Variants in SNX9 observed in about 807,000 individuals in gnomAD.
SNX9 encodes the protein sorting nexin 9, also known as sorting nexin-9.
In SNX9, 44 loss-of-function variants were observed where a neutral mutation model predicts 89.4. The ratio of observed to expected loss-of-function variants is 0.49; its 90% CI spans 0.39 to 0.63. SNX9 has a LOEUF of 0.63. Ranked by LOEUF, SNX9 falls within the 30% of genes least tolerant of loss-of-function variation. SNX9 has a pLI of 0.00. For synonymous variants in SNX9, 236 were observed against 247.8 expected (o/e 0.95, Z 0.45); for missense variants, 578 against 736.1 (o/e 0.79, Z 2.49).
intron 9 of SNX9, among the ~76,000 whole-genome samples, chr6:157,914,143 C>T (rs1037415974): frequency 1.3e-5 from 2 of 152,182 alleles, no homozygotes; most frequent in Non-Finnish European, 2.9e-5. Context: ...TTCCACATCC[C>T]TACCTGCACT....
chr6:157,857,105 T>C (rs1411095835), intron 1 of SNX9, among the ~76,000 whole-genome samples: 2 of 152,218 alleles, frequency 1.3e-5, no homozygotes, highest in African/African-American at 4.8e-5. Context: ...TCTATAATGA[T>C]GACCAATTAG....
At chr6:157,906,016 G>A (rs1783207787) in intron 6 of SNX9, 112 bp from the exon 7 acceptor site, 1 of 788,762 alleles carries the variant, frequency 1.3e-6, no homozygotes, top group Non-Finnish European at 2.0e-6. Context: ...TCCAGTTCTA[G>A]TGCACCCGAA....
At chr6:157,889,459 A>G (rs1161695371) in intron 4 of SNX9, among the ~76,000 whole-genome samples, 3 of 151,648 alleles carry the variant, frequency 2.0e-5, no homozygotes, top group Non-Finnish European at 4.4e-5. Flanking sequence ...AAAGACACCA[A>G]AGGATCCTTC....
At chr6:157,926,030 A>G (rs1015308929) in intron 10 of SNX9, among the ~76,000 whole-genome samples, 51 of 152,338 alleles carry the variant, frequency 3.3e-4, no homozygotes, top group African/African-American at 1.2e-3. Flanking sequence ...TCAGGATGCT[A>G]ATCTCATTCA....
At chr6:157,849,394 GT>G (rs1562593601) in intron 1 of SNX9, among the ~76,000 whole-genome samples, 1 of 152,248 alleles carries the variant, frequency 6.6e-6, no homozygotes, top group Non-Finnish European at 1.5e-5. Flanking sequence ...AGCACCTACT[GT>G]GTTCCAGGCA....
intron 16 of SNX9, 35 bp downstream of exon 16, chr6:157,938,782 A>T (rs752966240): frequency 2.2e-6 from 2 of 912,732 alleles, no homozygotes; most frequent in South Asian, 1.9e-5. Flanking sequence ...GTGCTGGTGG[A>T]AGTTTTTTTT....
intron 9 of SNX9, among the ~76,000 whole-genome samples, chr6:157,919,629 A>G (rs1007751274): frequency 6.6e-6 from 1 of 151,864 alleles, no homozygotes; most frequent in African/African-American, 2.4e-5. Context: ...TTAATTTTTT[A>G]GGCTTCCTTT....
At chr6:157,938,330 G>A (rs527675791) in intron 15 of SNX9, among the ~76,000 whole-genome samples, 3 of 152,324 alleles carry the variant, frequency 2.0e-5, no homozygotes, top group South Asian at 2.1e-4. Context: ...TCCATTACGT[G>A]CTACTCCTCA....
At chr6:157,886,676 A>C (rs1354816530) in intron 4 of SNX9, among the ~76,000 whole-genome samples, 1 of 152,192 alleles carries the variant, frequency 6.6e-6, no homozygotes, top group Non-Finnish European at 1.5e-5. Context: ...GAGCTAGTTA[A>C]TTATGTCGAA....
intron 4 of SNX9, among the ~76,000 whole-genome samples, chr6:157,881,792 TGAG>T (rs1176576540): frequency 1.3e-5 from 2 of 151,940 alleles, no homozygotes; most frequent in Non-Finnish European, 2.9e-5. Flanking sequence ...CTGAGAGAGG[TGAG>T]GAAGCTGCAG....
At chr6:157,864,013 T>C (rs1782200194) in intron 1 of SNX9, among the ~76,000 whole-genome samples, 1 of 152,216 alleles carries the variant, frequency 6.6e-6, no homozygotes, top group Non-Finnish European at 1.5e-5. Flanking sequence ...CATTTTTCTG[T>C]GAATGTCCTT....
At chr6:157,864,281 G>C (rs751381803) in intron 1 of SNX9, among the ~76,000 whole-genome samples, 1 of 152,094 alleles carries the variant, frequency 6.6e-6, no homozygotes, top group African/African-American at 2.4e-5. Context: ...CCCCTCTTGA[G>C]GACAAAGCCT....
intron 1 of SNX9, among the ~76,000 whole-genome samples, chr6:157,864,163 G>A (rs902063435): frequency 3.3e-5 from 5 of 152,254 alleles, no homozygotes; most frequent in Admixed American, 6.5e-5. Context: ...CCAAGATGGC[G>A]CCTTGAGTGC....
chr6:157,836,288 A>G (rs1781581570), intron 1 of SNX9, among the ~76,000 whole-genome samples: 1 of 152,130 alleles, frequency 6.6e-6, no homozygotes, highest in Non-Finnish European at 1.5e-5. Context: ...TCATTATGAA[A>G]GTGATAGATA....
chr6:157,855,321 T>C (rs1005099965), intron 1 of SNX9, among the ~76,000 whole-genome samples: 2 of 152,236 alleles, frequency 1.3e-5, no homozygotes, highest in South Asian at 4.1e-4. Flanking sequence ...TTTGGTCTTT[T>C]GCTATTCTGG....
intron 12 of SNX9, among the ~76,000 whole-genome samples, chr6:157,931,872 G>T (rs1046376551): frequency 3.3e-5 from 5 of 152,230 alleles, no homozygotes; most frequent in African/African-American, 4.8e-5. Context: ...CTATCATGAT[G>T]ATCAAGCGCG....
intron 9 of SNX9, among the ~76,000 whole-genome samples, chr6:157,915,640 A>AAATATATATATATATATAT (rs1472422303): frequency 2.1e-4 from 20 of 95,112 alleles, no homozygotes; most frequent in African/African-American, 7.0e-4. Flanking sequence ...AAAAAAAAAA[A>AAATATATATATATATATAT]ATATATATAT....
At chr6:157,842,461 G>A (rs995565233) in intron 1 of SNX9, among the ~76,000 whole-genome samples, 1 of 152,186 alleles carries the variant, frequency 6.6e-6, no homozygotes, top group African/African-American at 2.4e-5. Context: ...TCAAGACAGG[G>A]GGATTGCAAT....
intron 9 of SNX9, among the ~76,000 whole-genome samples, chr6:157,920,127 T>C (rs1349969999): frequency 6.6e-6 from 1 of 152,216 alleles, no homozygotes; most frequent in Non-Finnish European, 1.5e-5. Context: ...TCGATGTAAC[T>C]CATTCAAAGC....
Sources: gnomAD v4.1 joint callset for allele counts (sites outside exome capture counted in the v4.1 genomes callset) on GRCh38, gnomAD v4.1.1 for gene constraint, MANE v1.5 for transcripts, NCBI Gene and HGNC (gene_info 2026-07-23, HGNC 2026-07-21) for gene names.